Variants in PTPRN2 observed in about 807,000 individuals in gnomAD.
The protein encoded by PTPRN2 is receptor-type tyrosine-protein phosphatase N2.
Under a neutral mutation model 118.8 loss-of-function variants are expected in PTPRN2, and 74 were observed. The ratio of observed to expected loss-of-function variants is 0.62; its 90% confidence interval spans 0.52 to 0.76. The LOEUF is 0.76. PTPRN2 is among the 30% of genes least tolerant of loss of function. PTPRN2 has a pLI of 0.00. For synonymous variants in PTPRN2, 641 were observed against 608.0 expected, an observed-to-expected ratio of 1.05 and a Z score of -0.80; for missense variants, 1,481 against 1,394.4, an observed-to-expected ratio of 1.06 and a Z score of -0.99.
intron 11 of PTPRN2, among the ~76,000 whole-genome samples, chr7:158,010,744 A>G (rs1421717694): frequency 6.6e-6 from 1 of 152,248 alleles, no homozygotes; most frequent in African/African-American, 2.4e-5. Flanking sequence ...ATTTTTTAAA[A>G]AAGTATTGTT....
At chr7:157,759,614 C>T (rs1360001598) in intron 12 of PTPRN2, among the ~76,000 whole-genome samples, 1 of 152,222 alleles carries the variant, frequency 6.6e-6, no homozygotes, top group East Asian at 1.9e-4. Context: ...ATGTGGGGCT[C>T]ACTGTCCGGG....
At chr7:157,642,830 A>AAAAAAAAAAAAAAAAAAAAAC (rs1804767604) in intron 14 of PTPRN2, among the ~76,000 whole-genome samples, 1 of 146,580 alleles carries the variant, frequency 6.8e-6, no homozygotes, top group Non-Finnish European at 1.5e-5. Context: ...AAAAAAAAAA[A>AAAAAAAAAAAAAAAAAAAAAC]AAAAAAAAAA....
chr7:157,915,549 C>T (rs181330293), intron 11 of PTPRN2, among the ~76,000 whole-genome samples: 20 of 151,024 alleles, frequency 1.3e-4, no homozygotes, highest in African/African-American at 4.4e-4. Context: ...ACTCTATCAT[C>T]GGTCACCATT....
intron 6 of PTPRN2, among the ~76,000 whole-genome samples, chr7:158,151,399 T>C (rs1269786817): frequency 2.7e-5 from 4 of 146,678 alleles, no homozygotes; most frequent in African/African-American, 7.8e-5. Flanking sequence ...CGCCTTTCTA[T>C]TCCTGCCTCT....
chr7:158,317,934 C>T (rs534281961), intron 2 of PTPRN2, among the ~76,000 whole-genome samples: 16 of 152,224 alleles, frequency 1.1e-4, no homozygotes, highest in Non-Finnish European at 1.9e-4. Flanking sequence ...AAGCGTCCTG[C>T]GGGTTTCTAT....
chr7:158,169,077 C>A (rs1823287569), intron 5 of PTPRN2, among the ~76,000 whole-genome samples: 1 of 152,282 alleles, frequency 6.6e-6, no homozygotes, highest in Non-Finnish European at 1.5e-5. Flanking sequence ...GAGGTGGACA[C>A]CTCGGCACTA....
intron 12 of PTPRN2, among the ~76,000 whole-genome samples, chr7:157,849,574 T>C (rs1490465389): frequency 6.6e-6 from 1 of 152,216 alleles, no homozygotes; most frequent in Non-Finnish European, 1.5e-5. Flanking sequence ...CAGCTGCATA[T>C]AACAGAAAAC....
At position 158,081,237 on chromosome 7, in the gene PTPRN2, C is replaced by T. The variant is rs376864027; in HGVS notation, c.1723+61G>A. ...CCCTGGCTGTGCATGTGCGTGTTTG[C>T]GTGCGTGTGTGTGTGCACACACGTG... is the stretch of plus-strand genomic sequence containing the variant. On this transcript the variant is annotated intron_variant, in intron 11 of 22. Transcript: ENST00000389418. 8.1e-5 allele frequency: 119 copies of T among 1,466,660 alleles called. No homozygotes were observed. The Admixed American group carries it at 1.2e-3, about 15-fold the overall frequency. 90.9% of individuals were successfully genotyped at this position (1,466,660 alleles called of 1,614,324 possible).
At chr7:158,453,915 C>T (rs13235854) in intron 2 of PTPRN2, among the ~76,000 whole-genome samples, 775 of 69,546 alleles carry the variant, frequency 0.011, 24 homozygotes, top group African/African-American at 0.027. Context: ...GGATTGGGGA[C>T]GGTTGCTATG....
chr7:158,150,874 C>T (rs75053497), intron 6 of PTPRN2, among the ~76,000 whole-genome samples: 168 of 152,150 alleles, frequency 1.1e-3, no homozygotes, highest in African/African-American at 3.8e-3. Flanking sequence ...TCCAACCCAA[C>T]GTGCTGGTGG....
chr7:157,657,095 CCACACACACACACCA>C (rs1342143554), intron 13 of PTPRN2, among the ~76,000 whole-genome samples: 1 of 50,904 alleles, frequency 2.0e-5, no homozygotes, highest in Non-Finnish European at 3.8e-5. Context: ...CACACATACG[CCACACACACACACCA>C]CACACATCAC....
intron 17 of PTPRN2, among the ~76,000 whole-genome samples, chr7:157,578,950 G>A (rs1800206066): frequency 6.6e-6 from 1 of 152,180 alleles, no homozygotes; most frequent in African/African-American, 2.4e-5. Flanking sequence ...TTCTGCAATG[G>A]GTTACATTAA....
At chr7:158,166,729 A>G (rs529804908) in intron 6 of PTPRN2, among the ~76,000 whole-genome samples, 17 of 152,128 alleles carry the variant, frequency 1.1e-4, no homozygotes, top group Admixed American at 5.2e-4. Flanking sequence ...ACGTGAAATG[A>G]CCACATACTC....
intron 5 of PTPRN2, among the ~76,000 whole-genome samples, chr7:158,167,506 G>T (rs1823140741): frequency 6.6e-6 from 1 of 152,084 alleles, no homozygotes; most frequent in African/African-American, 2.4e-5. Flanking sequence ...ACCAACCCAG[G>T]TCCCTATTTC....
At position 157,874,631 on chromosome 7, in the gene PTPRN2, G is replaced by A. The variant is rs191087297; in HGVS notation, c.1788+24042C>T. On this transcript the variant is annotated intron_variant, in intron 12 of 22. Transcript: ENST00000389418. The surrounding 1 kb of genome is among the most constrained non-coding windows in gnomAD (Gnocchi z 5.8). The stretch of plus-strand genomic sequence containing the variant: ...CGGGGTCCGGGGAGAAGCGGAGGGG[G>A]GCAGAGAAGGCCGTGCCACCCAGCA... 6.6e-4 allele frequency among the ~76,000 whole-genome samples: 100 copies of A among 152,314 alleles called. No homozygotes were observed. Among genetic ancestry groups the A allele is most frequent in the Middle Eastern group, 6.8e-3 (2 of 294 alleles).
Position 158,163,605 on chromosome 7 carries a change from G to A in PTPRN2, c.910+3326C>T, listed in dbSNP as rs146082652. 7.3e-3 allele frequency among the ~76,000 whole-genome samples: 1,104 copies of A among 151,166 alleles called. 12 individuals are homozygous for A. The highest frequency in any genetic ancestry group is 0.026 in the African/African-American group (1,059 of 41,168). On this transcript the variant is annotated intron_variant, in intron 6 of 22. Coordinates refer to ENST00000389418, the MANE Select transcript of PTPRN2 (RefSeq NM_002847.5). ...ATTCTCTGTATATTTCATAGGTGGCGCCTGTACGGGGTTCTCAATATTCTC... is the reference window on the plus strand; with the variant it reads ...ATTCTCTGTATATTTCATAGGTGGCACCTGTACGGGGTTCTCAATATTCTC...
At chr7:158,149,103 C>CGTGTCTTTCCCCTTCAATG (rs1820590581) in intron 6 of PTPRN2, among the ~76,000 whole-genome samples, 1 of 146,412 alleles carries the variant, frequency 6.8e-6, no homozygotes. Context: ...TCTCACGCCA[C>CGTGTCTTTCCCCTTCAATG]ACGTCTTTCC....
At chr7:157,607,948 C>T (rs1028484819) in intron 15 of PTPRN2, among the ~76,000 whole-genome samples, 15 of 152,186 alleles carry the variant, frequency 9.9e-5, no homozygotes, top group African/African-American at 3.6e-4. Context: ...TCATTTCCCC[C>T]GAGGTCACCC....
At chr7:157,725,080 T>C (rs1157935732) in intron 12 of PTPRN2, among the ~76,000 whole-genome samples, 1 of 152,200 alleles carries the variant, frequency 6.6e-6, no homozygotes, top group Non-Finnish European at 1.5e-5. Flanking sequence ...AACTGACTTT[T>C]AAAAAACCTG....
Sources: allele counts gnomAD v4.1 joint callset (sites outside exome capture counted in the v4.1 genomes callset), GRCh38; gene constraint gnomAD v4.1.1; non-coding constraint Gnocchi (gnomAD v3.1); transcripts MANE v1.5; gene names NCBI Gene and HGNC (gene_info 2026-07-23, HGNC 2026-07-21).